SMURF1: variants seen among roughly 807,000 people sequenced by gnomAD.
SMURF1 encodes the protein SMAD specific E3 ubiquitin protein ligase 1, also known as E3 ubiquitin-protein ligase SMURF1.
A neutral mutation model predicts 98.0 loss-of-function variants in SMURF1; 44 were observed. The ratio of observed to expected loss-of-function variants is 0.45; its 90% CI spans 0.35 to 0.58. SMURF1 has a LOEUF of 0.58. Among genes scored for constraint, SMURF1 ranks in the 20% least tolerant of loss-of-function variants. The pLI is 0.00. For missense variants in SMURF1, 687 were observed against 938.4 expected (o/e 0.73, Z 3.50); for synonymous variants, 396 against 374.9 (o/e 1.06, Z -0.65).
At chr7:99,039,464 G>A in intron 13 of SMURF1, among the ~76,000 whole-genome samples, 1 of 152,012 alleles carries the variant, frequency 6.6e-6, no homozygotes, top group East Asian at 1.9e-4. Flanking sequence ...TCCTGCCTCA[G>A]CCTCCTGAGT....
chr7:99,049,747 GA>G, intron 8 of SMURF1, 38 bp from the exon 9 acceptor site: 1 of 1,591,358 alleles, frequency 6.3e-7, no homozygotes, highest in Non-Finnish European at 8.5e-7. Flanking sequence ...TTGTCCAACT[GA>G]GTATGGAGGA....
At chr7:99,121,568 G>A (rs1797623392) in intron 1 of SMURF1, among the ~76,000 whole-genome samples, 1 of 152,106 alleles carries the variant, frequency 6.6e-6, no homozygotes, top group Non-Finnish European at 1.5e-5. Context: ...CCCCCAGTCA[G>A]CTGGGAAACA....
intron 1 of SMURF1, among the ~76,000 whole-genome samples, chr7:99,065,147 G>A (rs927096877): frequency 6.6e-6 from 1 of 151,434 alleles, no homozygotes; most frequent in Non-Finnish European, 1.5e-5. Flanking sequence ...AGGCTGGAGT[G>A]CAGTGGTGCG....
At chr7:99,118,382 C>A (rs914031635) in intron 1 of SMURF1, among the ~76,000 whole-genome samples, 2 of 152,092 alleles carry the variant, frequency 1.3e-5, no homozygotes, top group Non-Finnish European at 2.9e-5. Context: ...TTCCCAATAG[C>A]CAAGAAGCAG....
At chr7:99,079,230 C>A (rs1363834926) in intron 1 of SMURF1, among the ~76,000 whole-genome samples, 1 of 152,232 alleles carries the variant, frequency 6.6e-6, no homozygotes, top group Non-Finnish European at 1.5e-5. Flanking sequence ...TGCCCACCCC[C>A]CAGTGGAGGT....
At chr7:99,134,393 C>G (rs911630624) in intron 1 of SMURF1, among the ~76,000 whole-genome samples, 1 of 152,052 alleles carries the variant, frequency 6.6e-6, no homozygotes, top group African/African-American at 2.4e-5. Flanking sequence ...ACTGTACAGA[C>G]GGGAGGTATT....
Position 99,143,814 on chromosome 7 carries a change from C to G in SMURF1, c.-34G>C, listed in dbSNP as rs755722879. 5 of 1,528,160 alleles carry G rather than the reference C, an allele frequency of 3.3e-6. No homozygotes were observed. Among genetic ancestry groups the G allele is most frequent in the Non-Finnish European group, 1.8e-6 (2 of 1,139,888 alleles). The allele number at this position is 1,528,160 out of a possible 1,614,324, so 94.7% of individuals were successfully genotyped here. On this transcript the variant is annotated 5_prime_UTR_variant, in exon 1 of 18. Coordinates refer to ENST00000361368, the MANE Select transcript of SMURF1 (RefSeq NM_181349.3). The stretch of plus-strand genomic sequence containing the variant: ...AACGATCGGGCAGCCGCGGATCCAG[C>G]GCCACCGCCCCCCAGCCCGGCCCGG...
intron 1 of SMURF1, among the ~76,000 whole-genome samples, chr7:99,121,522 C>G (rs1797621798): frequency 6.6e-6 from 1 of 152,134 alleles, no homozygotes. Flanking sequence ...GATATTTTCT[C>G]TGTTCTTTAA....
intron 2 of SMURF1, among the ~76,000 whole-genome samples, chr7:99,061,514 G>A (rs1333090615): frequency 6.6e-6 from 1 of 152,144 alleles, no homozygotes; most frequent in Non-Finnish European, 1.5e-5. Context: ...ACATCATCCA[G>A]CAGAAAGCAA....
chr7:99,075,272 A>T (rs1208853857), intron 1 of SMURF1, among the ~76,000 whole-genome samples: 2 of 152,122 alleles, frequency 1.3e-5, no homozygotes, highest in African/African-American at 4.8e-5. Flanking sequence ...GGCATGCGCC[A>T]CCAAGCCTGG....
At chr7:99,137,698 A>G (rs1798024670) in intron 1 of SMURF1, among the ~76,000 whole-genome samples, 1 of 152,242 alleles carries the variant, frequency 6.6e-6, no homozygotes, top group Non-Finnish European at 1.5e-5. Context: ...TTTCAGCTGC[A>G]GTGGAGGTGA....
intron 1 of SMURF1, among the ~76,000 whole-genome samples, chr7:99,113,184 T>A (rs1446962260): frequency 1.3e-5 from 2 of 151,992 alleles, no homozygotes; most frequent in African/African-American, 4.8e-5. Context: ...AAACAAACTT[T>A]TAAGTAAGAT....
intron 1 of SMURF1, among the ~76,000 whole-genome samples, chr7:99,125,944 C>A (rs1797734825): frequency 6.6e-6 from 1 of 152,254 alleles, no homozygotes; most frequent in African/African-American, 2.4e-5. Flanking sequence ...ACCTGCAAAG[C>A]AGCCAGACTC....
At chr7:99,135,327 C>G (rs900001391) in intron 1 of SMURF1, among the ~76,000 whole-genome samples, 1 of 152,194 alleles carries the variant, frequency 6.6e-6, no homozygotes, top group African/African-American at 2.4e-5. Flanking sequence ...TCTCTTCTCT[C>G]TTTTCTCTCC....
chr7:99,106,788 C>CT, intron 1 of SMURF1, among the ~76,000 whole-genome samples: 1 of 152,264 alleles, frequency 6.6e-6, no homozygotes, highest in South Asian at 2.1e-4. Context: ...TCTCCGACCT[C>CT]TTTTTTTCCC....
At chr7:99,131,254 C>T (rs904372609) in intron 1 of SMURF1, among the ~76,000 whole-genome samples, 1 of 151,866 alleles carries the variant, frequency 6.6e-6, no homozygotes, top group East Asian at 1.9e-4. Context: ...TTAGGAAGTG[C>T]GATATTGTAC....
At chr7:99,118,089 C>T (rs1307399570) in intron 1 of SMURF1, among the ~76,000 whole-genome samples, 1 of 152,038 alleles carries the variant, frequency 6.6e-6, no homozygotes, top group African/African-American at 2.4e-5. Flanking sequence ...ATACTACTTC[C>T]TACCCTTTAG....
intron 11 of SMURF1, 63 bp from the exon 12 acceptor site, chr7:99,042,295 CCT>C (rs1795416104): frequency 4.4e-6 from 5 of 1,147,022 alleles, no homozygotes; most frequent in Non-Finnish European, 5.1e-6. Context: ...TTTTTTTTTC[CCT>C]GAGATGGAGT....
intron 11 of SMURF1, among the ~76,000 whole-genome samples, chr7:99,044,402 C>T (rs1795503739): frequency 6.6e-6 from 1 of 152,196 alleles, no homozygotes; most frequent in Admixed American, 6.5e-5. Context: ...CCTTAATGGA[C>T]AATATTTTCA....
Sources: gnomAD v4.1 joint callset for allele counts (sites outside exome capture counted in the v4.1 genomes callset) on GRCh38, gnomAD v4.1.1 for gene constraint, MANE v1.5 for transcripts, NCBI Gene and HGNC (gene_info 2026-07-23, HGNC 2026-07-21) for gene names.